MTUS2: variants seen among roughly 807,000 people sequenced by gnomAD.
MTUS2 encodes microtubule-associated tumor suppressor candidate 2.
A neutral mutation model predicts 114.1 loss-of-function variants in MTUS2; 40 were observed. The observed-to-expected ratio is 0.35, with a 90% CI of 0.27 to 0.46. The LOEUF is 0.46. Among genes scored for constraint, MTUS2 ranks in the 20% least tolerant of loss-of-function variants. The pLI, the probability that MTUS2 is intolerant of heterozygous loss-of-function variation, is 1.00. For synonymous variants in MTUS2, 688 were observed against 672.0 expected (o/e 1.02, Z -0.37); for missense variants, 1,679 against 1,705.4 (o/e 0.98, Z 0.27).
intron 7 of MTUS2, among the ~76,000 whole-genome samples, chr13:29,345,708 C>T (rs1031169981): frequency 6.9e-4 from 105 of 152,058 alleles, no homozygotes; most frequent in African/African-American, 2.5e-3. Flanking sequence ...AGTGTGATCT[C>T]TTGGGGATGT....
At chr13:29,429,236 G>A (rs1222804683) in intron 8 of MTUS2, among the ~76,000 whole-genome samples, 2 of 152,254 alleles carry the variant, frequency 1.3e-5, no homozygotes, top group East Asian at 3.8e-4. Context: ...TAATGTACCT[G>A]TGAAACCTAA....
At chr13:28,862,285 C>T (rs957889617) in intron 2 of MTUS2, among the ~76,000 whole-genome samples, 6 of 152,130 alleles carry the variant, frequency 3.9e-5, no homozygotes, top group East Asian at 3.8e-4. Flanking sequence ...ACAGCAGGAA[C>T]GCAATCAAAC....
chr13:29,378,235 C>G (rs1871903544), intron 8 of MTUS2, among the ~76,000 whole-genome samples: 1 of 151,674 alleles, frequency 6.6e-6, no homozygotes, highest in Non-Finnish European at 1.5e-5. Flanking sequence ...ACAAAAAAGT[C>G]AATTGCACAC....
At chr13:29,144,803 A>G (rs1277272541) in intron 5 of MTUS2, among the ~76,000 whole-genome samples, 2 of 152,228 alleles carry the variant, frequency 1.3e-5, no homozygotes, top group African/African-American at 2.4e-5. Context: ...TCTATTGATT[A>G]TAAATAAGTC....
chr13:29,348,084 C>T (rs1868887267), intron 7 of MTUS2, among the ~76,000 whole-genome samples: 1 of 152,062 alleles, frequency 6.6e-6, no homozygotes, highest in Non-Finnish European at 1.5e-5. Flanking sequence ...GGCTTCATCA[C>T]ATAGACATGA....
chr13:29,059,831 A>G (rs1393555777), intron 4 of MTUS2, among the ~76,000 whole-genome samples: 1 of 152,172 alleles, frequency 6.6e-6, no homozygotes, highest in Non-Finnish European at 1.5e-5. Flanking sequence ...GCTCTAGCAT[A>G]TGTTGCCCAT....
At chr13:28,920,739 C>T (rs57625533) in intron 2 of MTUS2, among the ~76,000 whole-genome samples, 3,471 of 152,288 alleles carry the variant, frequency 0.023, 131 homozygotes, top group African/African-American at 0.078. Context: ...TGTTCTACTG[C>T]GGCTAAGCTA....
chr13:28,924,824 G>T (rs183464660), intron 2 of MTUS2, among the ~76,000 whole-genome samples: 7 of 152,260 alleles, frequency 4.6e-5, no homozygotes, highest in African/African-American at 7.2e-5. Context: ...AATGGAAAAA[G>T]TGTGGAAATC....
chr13:29,350,960 CATATATATATATAT>C (rs56192034), intron 7 of MTUS2, among the ~76,000 whole-genome samples: 2 of 128,576 alleles, frequency 1.6e-5, no homozygotes, highest in Non-Finnish European at 3.4e-5. Flanking sequence ...ATATATATTT[CATATATATATATAT>C]ATATATATAT....
At chr13:29,015,227 G>T (rs1158391235) in intron 2 of MTUS2, among the ~76,000 whole-genome samples, 1 of 152,220 alleles carries the variant, frequency 6.6e-6, no homozygotes, top group African/African-American at 2.4e-5. Context: ...GGTGATAACT[G>T]TGTGTAAATT....
chr13:29,178,466 A>G (rs1405605971), intron 5 of MTUS2, among the ~76,000 whole-genome samples: 1 of 152,082 alleles, frequency 6.6e-6, no homozygotes, highest in Non-Finnish European at 1.5e-5. Context: ...GAGTTTTTAA[A>G]CCTTAGCCCT....
At chr13:29,261,432 A>C (rs1054880399) in intron 5 of MTUS2, among the ~76,000 whole-genome samples, 3 of 152,172 alleles carry the variant, frequency 2.0e-5, no homozygotes, top group Non-Finnish European at 4.4e-5. Context: ...TCAGGATTTG[A>C]ACTTGGTTTG....
intron 2 of MTUS2, among the ~76,000 whole-genome samples, chr13:29,009,169 T>C (rs1438059653): frequency 1.3e-5 from 2 of 152,150 alleles, no homozygotes; most frequent in African/African-American, 4.8e-5. Flanking sequence ...ACTTGTTTTA[T>C]GGACACTCTT....
intron 9 of MTUS2, among the ~76,000 whole-genome samples, chr13:29,447,730 C>T (rs1208368138): frequency 1.3e-5 from 2 of 151,240 alleles, no homozygotes; most frequent in Non-Finnish European, 2.9e-5. Flanking sequence ...GAAAAGGCTT[C>T]CCCAGGTGGT....
At chr13:29,173,238 A>G (rs1893635487) in intron 5 of MTUS2, among the ~76,000 whole-genome samples, 2 of 152,126 alleles carry the variant, frequency 1.3e-5, no homozygotes, top group Admixed American at 6.6e-5. Flanking sequence ...TTATGTTCAC[A>G]AAGAGAAATT....
intron 5 of MTUS2, among the ~76,000 whole-genome samples, chr13:29,198,407 C>T (rs1413079059): frequency 6.6e-6 from 1 of 152,204 alleles, no homozygotes; most frequent in Admixed American, 6.5e-5. Flanking sequence ...TCTGAGGCCT[C>T]TGTTCTGTTC....
chr13:29,118,206 C>T (rs1051612759), intron 5 of MTUS2, among the ~76,000 whole-genome samples: 1 of 151,920 alleles, frequency 6.6e-6, no homozygotes, highest in Non-Finnish European at 1.5e-5. Context: ...TTCCCAAGCC[C>T]TTGTTTACCA....
At chr13:29,153,089 T>A (rs2139045988) in intron 5 of MTUS2, among the ~76,000 whole-genome samples, 1 of 152,332 alleles carries the variant, frequency 6.6e-6, no homozygotes, top group Non-Finnish European at 1.5e-5. Flanking sequence ...ATGTGAGTTG[T>A]GCCAGATGAA....
chr13:29,402,418 C>T (rs368303206), intron 8 of MTUS2, among the ~76,000 whole-genome samples: 6 of 152,148 alleles, frequency 3.9e-5, no homozygotes, highest in Non-Finnish European at 8.8e-5. Context: ...AAGCAGTAAG[C>T]GAAAGCCAAG....
Sources: gnomAD v4.1 joint callset for allele counts (sites outside exome capture counted in the v4.1 genomes callset) on GRCh38, gnomAD v4.1.1 for gene constraint, MANE v1.5 for transcripts, NCBI Gene and HGNC (gene_info 2026-07-23, HGNC 2026-07-21) for gene names.